The following SIL1 variants were observed in gnomAD, a reference collection of about 807,000 sequenced individuals.
SIL1 encodes nucleotide exchange factor SIL1.
In SIL1, 40 loss-of-function variants were observed where a neutral mutation model predicts 49.1. That is an observed-to-expected ratio of 0.81 (90% CI 0.63 to 1.06). SIL1 has a LOEUF of 1.06. Ranked by LOEUF, SIL1 falls within the 50% of genes least tolerant of loss-of-function variation. The probability of loss-of-function intolerance (pLI) is 0.00; values close to 1 mark genes in which losing one functional copy is unlikely to be tolerated. For missense variants in SIL1, 500 were observed against 572.6 expected (o/e 0.87, Z 1.29); for synonymous variants, 253 against 250.8 (o/e 1.01, Z -0.08).
chr5:138,949,110 C>T (rs1289165114), intron 9 of SIL1, among the ~76,000 whole-genome samples: 1 of 152,250 alleles, frequency 6.6e-6, no homozygotes, highest in East Asian at 1.9e-4. Flanking sequence ...AGCTCAGGGA[C>T]GACAGGGACT....
chr5:139,055,805 C>CACA (rs1264360504), intron 3 of SIL1, among the ~76,000 whole-genome samples: 1 of 147,704 alleles, frequency 6.8e-6, no homozygotes, highest in Non-Finnish European at 1.5e-5. Context: ...CGAGTGCCTG[C>CACA]GATTGCAGGC....
chr5:139,037,637 A>G (rs1278720099), intron 5 of SIL1, among the ~76,000 whole-genome samples: 1 of 152,064 alleles, frequency 6.6e-6, no homozygotes, highest in Non-Finnish European at 1.5e-5. Flanking sequence ...TACTGAGCCT[A>G]TCTGGTGACT....
Position 139,074,813 on chromosome 5 carries a change from T to C in SIL1, c.245-23767A>G, listed in dbSNP as rs563235515. On this transcript the variant is annotated intron_variant, in intron 3 of 9. Coordinates refer to ENST00000394817, the MANE Select transcript of SIL1 (RefSeq NM_022464.5). ...GCCTTCAGAACTAAGCATCTCTTTCTCTCTCTGTCTTTTTTATTTTTATTT... is the reference window on the plus strand; with the variant it reads ...GCCTTCAGAACTAAGCATCTCTTTCCCTCTCTGTCTTTTTTATTTTTATTT... Among the ~76,000 whole-genome samples the C allele has an allele frequency of 1.9e-4, 26 of 139,172 alleles. No homozygotes were observed. In the East Asian group the frequency reaches 4.6e-3, roughly 24 times the overall value. The allele number at this position is 139,172 out of a possible 152,430, so 91.3% of individuals were successfully genotyped here. A position where few individuals can be genotyped will look rare whatever the true frequency, so the allele number is the denominator to read the frequency against.
At chr5:139,024,892 C>T (rs1768609819) in intron 6 of SIL1, among the ~76,000 whole-genome samples, 1 of 152,204 alleles carries the variant, frequency 6.6e-6, no homozygotes, top group Admixed American at 6.5e-5. Context: ...TCTTCTCTGC[C>T]TGCTCTCAGC....
intron 3 of SIL1, among the ~76,000 whole-genome samples, chr5:139,098,624 A>T (rs1770519943): frequency 6.6e-6 from 1 of 152,182 alleles, no homozygotes; most frequent in Non-Finnish European, 1.5e-5. Context: ...GCTTCTGCAC[A>T]GCAAAGGAAA....
At chr5:138,960,941 C>G (rs1377296702) in intron 7 of SIL1, among the ~76,000 whole-genome samples, 2 of 152,102 alleles carry the variant, frequency 1.3e-5, no homozygotes, top group Non-Finnish European at 2.9e-5. Flanking sequence ...TTCTGGGGTA[C>G]TGATAATGTT....
chr5:139,181,044 G>C (rs757570601), intron 1 of SIL1, among the ~76,000 whole-genome samples: 6 of 152,140 alleles, frequency 3.9e-5, no homozygotes, highest in Non-Finnish European at 8.8e-5. Context: ...CAAAACCTAT[G>C]CCAGCTGATT....
chr5:139,068,280 T>TA (rs1769750173), intron 3 of SIL1, among the ~76,000 whole-genome samples: 3 of 152,070 alleles, frequency 2.0e-5, no homozygotes, highest in African/African-American at 7.2e-5. Context: ...AGAAAACACC[T>TA]AAGTAGCTGA....
At chr5:138,973,721 A>C (rs1767334606) in intron 7 of SIL1, among the ~76,000 whole-genome samples, 1 of 152,000 alleles carries the variant, frequency 6.6e-6, no homozygotes, top group South Asian at 2.1e-4. Flanking sequence ...TGGGACTACA[A>C]GTGTGAGCCA....
intron 3 of SIL1, among the ~76,000 whole-genome samples, chr5:139,091,253 A>G (rs1197322831): frequency 6.6e-6 from 1 of 152,146 alleles, no homozygotes; most frequent in African/African-American, 2.4e-5. Context: ...AAATGCATGG[A>G]AAAATATCAT....
At chr5:139,003,442 G>C (rs1325116002) in intron 7 of SIL1, among the ~76,000 whole-genome samples, 1 of 152,174 alleles carries the variant, frequency 6.6e-6, no homozygotes, top group Non-Finnish European at 1.5e-5. Context: ...TCTTATGTGA[G>C]ATAACACAGA....
intron 1 of SIL1, among the ~76,000 whole-genome samples, chr5:139,172,331 G>T (rs1026686411): frequency 6.6e-6 from 1 of 152,144 alleles, no homozygotes; most frequent in African/African-American, 2.4e-5. Flanking sequence ...GAAAGACAAA[G>T]GGCCAGGTAT....
chr5:138,991,650 G>T (rs1767763758), intron 7 of SIL1, among the ~76,000 whole-genome samples: 1 of 152,192 alleles, frequency 6.6e-6, no homozygotes, highest in African/African-American at 2.4e-5. Flanking sequence ...TTCAATAGTT[G>T]CCCTCCCTCT....
chr5:139,076,422 A>T (rs746960655), intron 3 of SIL1, among the ~76,000 whole-genome samples: 6 of 152,242 alleles, frequency 3.9e-5, no homozygotes, highest in African/African-American at 1.4e-4. Context: ...GGAAAACAGA[A>T]TATGTTACCA....
At chr5:139,112,274 G>C (rs13163542) in intron 3 of SIL1, among the ~76,000 whole-genome samples, 1 of 151,874 alleles carries the variant, frequency 6.6e-6, no homozygotes, top group South Asian at 2.1e-4. Context: ...CACCCCGTCC[G>C]AGAAGTGAGG....
intron 3 of SIL1, among the ~76,000 whole-genome samples, chr5:139,106,816 C>T (rs1770723473): frequency 6.6e-6 from 1 of 152,248 alleles, no homozygotes; most frequent in Non-Finnish European, 1.5e-5. Flanking sequence ...AGCAAAATAC[C>T]TGCTTTGTGC....
At chr5:138,978,299 G>T (rs1262205984) in intron 7 of SIL1, among the ~76,000 whole-genome samples, 2 of 151,440 alleles carry the variant, frequency 1.3e-5, no homozygotes, top group Non-Finnish European at 2.9e-5. Context: ...CATCCAGTAT[G>T]TGGTGCTTTG....
intron 7 of SIL1, among the ~76,000 whole-genome samples, chr5:139,017,385 C>T (rs1285907848): frequency 6.6e-6 from 1 of 152,160 alleles, no homozygotes; most frequent in African/African-American, 2.4e-5. Flanking sequence ...AGTACATAAT[C>T]TCACCATGAC....
intron 3 of SIL1, among the ~76,000 whole-genome samples, chr5:139,118,852 C>A (rs1005669507): frequency 6.6e-6 from 1 of 152,284 alleles, no homozygotes; most frequent in South Asian, 2.1e-4. Context: ...CACCATGACA[C>A]CAGATTCTGA....
Sources: allele counts gnomAD v4.1 joint callset (sites outside exome capture counted in the v4.1 genomes callset), GRCh38; gene constraint gnomAD v4.1.1; transcripts MANE v1.5; gene names NCBI Gene and HGNC (gene_info 2026-07-23, HGNC 2026-07-21).